PINX1: variants seen among roughly 807,000 people sequenced by gnomAD.
PINX1 encodes the protein PIN2 (TERF1) interacting telomerase inhibitor 1.
Under a neutral mutation model 25.4 loss-of-function variants are expected in PINX1, and 34 were observed. That is an observed-to-expected ratio of 1.34 (90% CI 1.02 to 1.78). The LOEUF (loss-of-function observed/expected upper bound fraction) is 1.78. Ranked by LOEUF, PINX1 falls within the 40% of genes most tolerant of loss-of-function variation. PINX1 has a pLI of 0.00. For synonymous variants in PINX1, 197 were observed against 147.7 expected (o/e 1.33, Z -2.42); for missense variants, 592 against 404.9 (o/e 1.46, Z -3.97).
intron 4 of PINX1, among the ~76,000 whole-genome samples, chr8:10,826,927 G>C (rs1450260468): frequency 6.6e-6 from 1 of 152,216 alleles, no homozygotes; most frequent in Non-Finnish European, 1.5e-5. Context: ...CATTGTGGTT[G>C]CTGCATGAAT....
intron 5 of PINX1, 89 bp from the exon 6 acceptor site, chr8:10,820,358 A>G (rs1298700806): frequency 8.9e-6 from 8 of 895,922 alleles, no homozygotes; most frequent in Admixed American, 2.0e-5. Context: ...TCAAAGGAAA[A>G]TGGCTTTTGG....
Position 10,791,279 on chromosome 8 carries a change from T to C in PINX1, c.472-25363A>G, listed in dbSNP as rs549200714. ...CACCAGAAAAGTCAAAATTAATTCA[T>C]AACAAGACTCTGTTTTTCAACATCC... On this transcript the variant is annotated intron_variant, in intron 6 of 6. Coordinates refer to ENST00000314787, the MANE Select transcript of PINX1 (RefSeq NM_017884.6). Among the ~76,000 whole-genome samples, 6 of 152,272 alleles carry C rather than the reference T, an allele frequency of 3.9e-5. No individual in the cohort carries two copies. In the South Asian group the frequency reaches 1.0e-3, roughly 26 times the overall value.
intron 6 of PINX1, among the ~76,000 whole-genome samples, chr8:10,788,648 T>G (rs575651383): frequency 7.4e-4 from 113 of 152,290 alleles, no homozygotes; most frequent in Non-Finnish European, 1.2e-3. Flanking sequence ...GTAAGTAACC[T>G]AAGGCATCTG....
intron 6 of PINX1, among the ~76,000 whole-genome samples, chr8:10,816,315 T>C (rs1483413576): frequency 6.6e-6 from 1 of 152,222 alleles, no homozygotes; most frequent in Non-Finnish European, 1.5e-5. Flanking sequence ...TTACTATCTT[T>C]GCAACATCCT....
At chr8:10,804,002 C>A (rs1402187019) in intron 6 of PINX1, among the ~76,000 whole-genome samples, 2 of 142,974 alleles carry the variant, frequency 1.4e-5, no homozygotes, top group African/African-American at 5.0e-5. Flanking sequence ...TTAACTATAC[C>A]AACGAACTCA....
intron 6 of PINX1, among the ~76,000 whole-genome samples, chr8:10,815,170 G>A (rs948182282): frequency 2.6e-5 from 4 of 152,110 alleles, no homozygotes; most frequent in Non-Finnish European, 4.4e-5. Flanking sequence ...TCAAACTCCT[G>A]AGCTCAGGCA....
At chr8:10,800,973 G>C (rs1376562794) in intron 6 of PINX1, among the ~76,000 whole-genome samples, 5 of 152,174 alleles carry the variant, frequency 3.3e-5, no homozygotes, top group Non-Finnish European at 5.9e-5. Context: ...TGAGATGGCG[G>C]CCCCTGGGGG....
At position 10,828,501 on chromosome 8, in the gene PINX1, G is replaced by A. The variant is rs78170082; in HGVS notation, c.302-2257C>T. 5.4e-3 allele frequency among the ~76,000 whole-genome samples: 818 copies of A among 152,228 alleles called. 5 individuals are homozygous for A. The highest frequency in any genetic ancestry group is 0.019 in the African/African-American group (776 of 41,542). The stretch of plus-strand genomic sequence containing the variant: ...GATAAGGCACACCCAGGAAGCCCCC[G>A]CGATGGGACCGAAGCCCAGGCAGAC... On this transcript the variant is annotated intron_variant, in intron 4 of 6. Coordinates refer to ENST00000314787, the MANE Select transcript of PINX1 (RefSeq NM_017884.6).
intron 4 of PINX1, among the ~76,000 whole-genome samples, chr8:10,826,728 C>G (rs1798061963): frequency 6.6e-6 from 1 of 152,210 alleles, no homozygotes; most frequent in Non-Finnish European, 1.5e-5. Flanking sequence ...GGGCATTGTG[C>G]TTAGTCAGAG....
chr8:10,829,251 A>C (rs1798149733), intron 4 of PINX1, among the ~76,000 whole-genome samples: 1 of 142,496 alleles, frequency 7.0e-6, no homozygotes. Context: ...GTGCCACTGC[A>C]CTCCAGCCTG....
At chr8:10,778,248 T>C (rs1182431901) in intron 6 of PINX1, among the ~76,000 whole-genome samples, 1 of 152,150 alleles carries the variant, frequency 6.6e-6, no homozygotes, top group Non-Finnish European at 1.5e-5. Context: ...GTATCCCTTA[T>C]TTGAAATGCT....
At chr8:10,814,431 G>A (rs980256726) in intron 6 of PINX1, among the ~76,000 whole-genome samples, 8 of 152,190 alleles carry the variant, frequency 5.3e-5, no homozygotes, top group African/African-American at 1.9e-4. Flanking sequence ...CCTTCAAGCA[G>A]TAGGAATGCT....
chr8:10,790,092 C>A (rs184684986), intron 6 of PINX1, among the ~76,000 whole-genome samples: 1 of 152,148 alleles, frequency 6.6e-6, no homozygotes, highest in African/African-American at 2.4e-5. Flanking sequence ...GCGCCGTCTG[C>A]ACTCACTCTC....
chr8:10,817,778 A>G (rs561191828), intron 6 of PINX1, among the ~76,000 whole-genome samples: 1 of 152,084 alleles, frequency 6.6e-6, no homozygotes, highest in Non-Finnish European at 1.5e-5. Context: ...ACCTGTACAC[A>G]CGGCAGGACT....
chr8:10,833,070 A>G (rs775648039), intron 2 of PINX1, 86 bp from the exon 3 acceptor site: 1 of 778,134 alleles, frequency 1.3e-6, no homozygotes, highest in African/African-American at 1.8e-5. Flanking sequence ...ACAGATGCCT[A>G]CGGCAGGTGT....
At position 10,782,528 on chromosome 8, in the gene PINX1, G is replaced by C. The variant is rs146452290; in HGVS notation, c.472-16612C>G. Among the ~76,000 whole-genome samples, 529 of 152,210 alleles carry C rather than the reference G, an allele frequency of 3.5e-3. 6 individuals carry two copies. The highest frequency in any genetic ancestry group is 0.012 in the African/African-American group (494 of 41,512). On this transcript the variant is annotated intron_variant, in intron 6 of 6. Transcript: ENST00000314787. ...AGGCAGGCGGATCATCTGAGGTCGG[G>C]AGTTCAAGACCAACGTGGCCAATAT...
chr8:10,835,796 G>T (rs1234156983), intron 1 of PINX1, among the ~76,000 whole-genome samples: 2 of 152,016 alleles, frequency 1.3e-5, no homozygotes, highest in South Asian at 4.1e-4. Flanking sequence ...AAAGAAGAGG[G>T]AGAGGAAAAA....
At chr8:10,784,489 A>G (rs1008764906) in intron 6 of PINX1, among the ~76,000 whole-genome samples, 5 of 152,234 alleles carry the variant, frequency 3.3e-5, no homozygotes, top group Admixed American at 6.5e-5. Context: ...ACAATTTCCT[A>G]TAAAAGCTAT....
chr8:10,800,325 C>T (rs913470246), intron 6 of PINX1, among the ~76,000 whole-genome samples: 5 of 152,090 alleles, frequency 3.3e-5, no homozygotes, highest in African/African-American at 1.2e-4. Context: ...CAGATGTTAC[C>T]GCAGAGTTTT....
Sources: gnomAD v4.1 joint callset for allele counts (sites outside exome capture counted in the v4.1 genomes callset) on GRCh38, gnomAD v4.1.1 for gene constraint, MANE v1.5 for transcripts, NCBI Gene and HGNC (gene_info 2026-07-23, HGNC 2026-07-21) for gene names.